The following SSBP3 variants were observed in gnomAD, a reference collection of about 807,000 sequenced individuals.
SSBP3 encodes single-stranded DNA-binding protein 3.
In SSBP3, 5 loss-of-function variants were observed where a neutral mutation model predicts 69.6. The observed-to-expected ratio is 0.07, with a 90% confidence interval of 0.04 to 0.15. The LOEUF (loss-of-function observed/expected upper bound fraction) is 0.15, where lower values mean the gene tolerates loss of function less well. Ranked by LOEUF, SSBP3 falls within the 10% of genes least tolerant of loss-of-function variation. The probability of loss-of-function intolerance (pLI) is 1.00; values close to 1 mark genes in which losing one functional copy is unlikely to be tolerated. For synonymous variants in SSBP3, 196 were observed against 193.4 expected, an observed-to-expected ratio of 1.01 and a Z score of -0.11; for missense variants, 312 against 534.0, an observed-to-expected ratio of 0.58 and a Z score of 4.10.
upstream of SSBP3, among the ~76,000 whole-genome samples, chr1:54,406,855 C>G (rs1207054521): frequency 1.3e-5 from 2 of 151,802 alleles, no homozygotes; most frequent in Admixed American, 1.3e-4. Flanking sequence ...TCCCCCCCGC[C>G]GCGGCCCGCA....
chr1:54,278,940 A>G (rs1278923373), intron 5 of SSBP3, among the ~76,000 whole-genome samples: 1 of 152,148 alleles, frequency 6.6e-6, no homozygotes, highest in Non-Finnish European at 1.5e-5. Flanking sequence ...AAGCAGGCCT[A>G]CTCCGGAAAT....
chr1:54,375,266 T>G (rs529963098), intron 4 of SSBP3, among the ~76,000 whole-genome samples: 1 of 152,108 alleles, frequency 6.6e-6, no homozygotes, highest in Non-Finnish European at 1.5e-5. Context: ...AAGGATCAGA[T>G]AGAAAAGCCC....
At chr1:54,229,118 C>T (rs1050358240) in intron 14 of SSBP3, among the ~76,000 whole-genome samples, 6 of 152,228 alleles carry the variant, frequency 3.9e-5, no homozygotes, top group Non-Finnish European at 8.8e-5. Flanking sequence ...CTCTCGGATC[C>T]CACCACAGGG....
chr1:54,332,537 G>A (rs1646436257), intron 4 of SSBP3, among the ~76,000 whole-genome samples: 1 of 152,094 alleles, frequency 6.6e-6, no homozygotes, highest in Non-Finnish European at 1.5e-5. Flanking sequence ...AACCCCCCTG[G>A]CCCCAGTCAC....
At chr1:54,385,339 C>T (rs1294120229) in intron 4 of SSBP3, among the ~76,000 whole-genome samples, 1 of 152,150 alleles carries the variant, frequency 6.6e-6, no homozygotes, top group Non-Finnish European at 1.5e-5. Context: ...TGCTCCCCAC[C>T]AAAAACAGAC....
At chr1:54,390,382 TC>T (rs1648397953) in intron 4 of SSBP3, among the ~76,000 whole-genome samples, 1 of 152,114 alleles carries the variant, frequency 6.6e-6, no homozygotes, top group Non-Finnish European at 1.5e-5. Flanking sequence ...CCTGATTTCC[TC>T]CTAGTCTCTT....
chr1:54,347,287 A>G (rs1197129420), intron 4 of SSBP3, among the ~76,000 whole-genome samples: 1 of 151,200 alleles, frequency 6.6e-6, no homozygotes, highest in Non-Finnish European at 1.5e-5. Flanking sequence ...ACTTTAAATC[A>G]TCTCTGGGTT....
At chr1:54,323,576 C>T (rs4926628) in intron 4 of SSBP3, among the ~76,000 whole-genome samples, 6,981 of 152,296 alleles carry the variant, frequency 0.046, 365 homozygotes, top group East Asian at 0.16. Flanking sequence ...CCTCACCACG[C>T]TATCTGCCTT....
chr1:54,372,695 C>T (rs952405471), intron 4 of SSBP3, among the ~76,000 whole-genome samples: 1 of 152,238 alleles, frequency 6.6e-6, no homozygotes, highest in Non-Finnish European at 1.5e-5. Flanking sequence ...CGCTCTTCCA[C>T]CCACAATCCT....
At chr1:54,405,691 G>C (rs1047630534) in intron 1 of SSBP3, among the ~76,000 whole-genome samples, 1 of 151,524 alleles carries the variant, frequency 6.6e-6, no homozygotes, top group Admixed American at 6.6e-5. Flanking sequence ...CTCGACCCGC[G>C]CCACGGCCAC....
At chr1:54,406,038 G>GCCGCCA (rs1553151694) in exon 1 of SSBP3, 11 of 1,212,182 alleles carry the variant, frequency 9.1e-6, no homozygotes, top group South Asian at 1.6e-5. Flanking sequence ...GCCGAGCCTC[G>GCCGCCA]CCGCCGCCGC....
chr1:54,277,439 A>G lies in SSBP3; in HGVS notation c.366+3999T>C, dbSNP rs1016958538. On this transcript the variant is annotated intron_variant, in intron 5 of 17. Coordinates refer to ENST00000610401, the Ensembl canonical transcript of SSBP3. ...GCTTCCGCCATCCAATCAGATGTGC[A>G]TCCACATTTGGACTTTGGAGTGTTT... 2.6e-5 allele frequency among the ~76,000 whole-genome samples: 4 copies of G among 152,172 alleles called. No individual in the cohort carries two copies. The South Asian group carries it at 8.3e-4, about 32-fold the overall frequency.
At position 54,358,786 on chromosome 1, in the gene SSBP3, C is replaced by G. The variant is rs563844541; in HGVS notation, c.276+43075G>C. 2.0e-5 allele frequency among the ~76,000 whole-genome samples: 3 copies of G among 152,166 alleles called. No homozygotes were observed. The South Asian group carries it at 6.2e-4, about 32-fold the overall frequency. On this transcript the variant is annotated intron_variant, in intron 4 of 17. Coordinates refer to ENST00000610401, the Ensembl canonical transcript of SSBP3. Reference sequence around the variant, plus strand: ...CGCTCTCAACGACACAGGGAAATTCCGCCCACAGCTCTGAATAATCAAAGA... The same window carrying G: ...CGCTCTCAACGACACAGGGAAATTCGGCCCACAGCTCTGAATAATCAAAGA...
intron 4 of SSBP3, among the ~76,000 whole-genome samples, chr1:54,377,761 A>C (rs146420599): frequency 1.2e-4 from 19 of 152,198 alleles, no homozygotes; most frequent in Non-Finnish European, 2.4e-4. Context: ...ACGTCCTAGA[A>C]AGGTGGGTTA....
At chr1:54,304,518 A>G (rs1334524653) in intron 4 of SSBP3, among the ~76,000 whole-genome samples, 3 of 152,168 alleles carry the variant, frequency 2.0e-5, no homozygotes, top group Non-Finnish European at 1.5e-5. Flanking sequence ...GAGGCTGAGT[A>G]GGGAGTTGCA....
intron 4 of SSBP3, among the ~76,000 whole-genome samples, chr1:54,394,514 G>A (rs911907824): frequency 5.3e-5 from 8 of 152,042 alleles, no homozygotes; most frequent in Non-Finnish European, 4.4e-5. Context: ...CATAGTAGGA[G>A]CTTGGTAACC....
intron 4 of SSBP3, among the ~76,000 whole-genome samples, chr1:54,369,362 G>C (rs948794621): frequency 9.2e-5 from 14 of 152,094 alleles, no homozygotes; most frequent in African/African-American, 3.4e-4. Flanking sequence ...CAGGGAGCTA[G>C]GGTGACCATT....
chr1:54,273,412 AGCC>A (rs1334517602), intron 5 of SSBP3, among the ~76,000 whole-genome samples: 1 of 152,226 alleles, frequency 6.6e-6, no homozygotes, highest in Non-Finnish European at 1.5e-5. Context: ...GAGCTGAGCC[AGCC>A]GCCGCCGAGG....
At chr1:54,254,660 T>C (rs1356186846) in intron 7 of SSBP3, among the ~76,000 whole-genome samples, 1 of 152,152 alleles carries the variant, frequency 6.6e-6, no homozygotes. Context: ...AGGAGAGAAC[T>C]GAGCTAACTC....
Sources: allele counts gnomAD v4.1 joint callset (sites outside exome capture counted in the v4.1 genomes callset), GRCh38; gene constraint gnomAD v4.1.1; transcripts MANE v1.5; gene names NCBI Gene and HGNC (gene_info 2026-07-23, HGNC 2026-07-21).